The following COL25A1 variants were observed in gnomAD, a reference collection of about 807,000 sequenced individuals.
The protein encoded by COL25A1 is collagen type XXV alpha 1 chain, also known as collagen alpha-1(XXV) chain.
COL25A1 carries 103 observed loss-of-function variants against 128.4 expected under a neutral mutation model. The ratio of observed to expected loss-of-function variants is 0.80; its 90% confidence interval spans 0.68 to 0.94. The LOEUF is 0.94. Among genes scored for constraint, COL25A1 ranks in the 40% least tolerant of loss-of-function variants. The pLI is 0.00. For synonymous variants in COL25A1, 279 were observed against 277.2 expected, an observed-to-expected ratio of 1.01 and a Z score of -0.06; for missense variants, 745 against 840.0, an observed-to-expected ratio of 0.89 and a Z score of 1.40.
intron 6 of COL25A1, among the ~76,000 whole-genome samples, chr4:108,994,459 G>A (rs757181625): frequency 6.6e-6 from 1 of 152,202 alleles, no homozygotes; most frequent in African/African-American, 2.4e-5. Flanking sequence ...AAAGTGGCTG[G>A]GAAGCACCAA....
At chr4:109,267,206 A>G (rs1203065241) in intron 3 of COL25A1, among the ~76,000 whole-genome samples, 3 of 152,174 alleles carry the variant, frequency 2.0e-5, no homozygotes, top group African/African-American at 4.8e-5. Flanking sequence ...TGATATAAAT[A>G]TGGTATCAGA....
intron 5 of COL25A1, among the ~76,000 whole-genome samples, chr4:109,021,099 C>T (rs897568227): frequency 2.0e-5 from 3 of 152,226 alleles, no homozygotes; most frequent in Non-Finnish European, 4.4e-5. Context: ...ACAACCAATA[C>T]TCTACTGTGT....
chr4:109,098,726 G>T (rs1165889103), intron 3 of COL25A1, among the ~76,000 whole-genome samples: 1 of 152,134 alleles, frequency 6.6e-6, no homozygotes, highest in Non-Finnish European at 1.5e-5. Context: ...CTGATAGCAA[G>T]AATATAATTC....
intron 13 of COL25A1, among the ~76,000 whole-genome samples, chr4:108,917,167 T>C (rs764202754): frequency 3.3e-5 from 5 of 152,072 alleles, no homozygotes; most frequent in Admixed American, 2.0e-4. Flanking sequence ...AGCCTCTGAG[T>C]GGAAGACTCA....
chr4:109,270,922 A>G (rs1782150842), intron 3 of COL25A1, among the ~76,000 whole-genome samples: 1 of 152,154 alleles, frequency 6.6e-6, no homozygotes, highest in Admixed American at 6.6e-5. Context: ...ATTGTGCTAG[A>G]ATGCCTACTA....
At chr4:108,988,090 T>C (rs1215668338) in intron 6 of COL25A1, among the ~76,000 whole-genome samples, 1 of 152,186 alleles carries the variant, frequency 6.6e-6, no homozygotes, top group East Asian at 1.9e-4. Context: ...CACGTGACCT[T>C]TGGCAAATGA....
At chr4:109,220,190 T>G (rs1246682039) in intron 3 of COL25A1, among the ~76,000 whole-genome samples, 1 of 152,184 alleles carries the variant, frequency 6.6e-6, no homozygotes, top group East Asian at 1.9e-4. Context: ...CTGGAAGACA[T>G]TTAGTATGAT....
intron 3 of COL25A1, among the ~76,000 whole-genome samples, chr4:109,255,864 A>G (rs1781044515): frequency 6.6e-6 from 1 of 152,206 alleles, no homozygotes; most frequent in Admixed American, 6.5e-5. Flanking sequence ...TTTCAATTCC[A>G]TTCTGCTCTT....
intron 8 of COL25A1, among the ~76,000 whole-genome samples, chr4:108,949,751 G>T (rs1749186052): frequency 2.0e-5 from 3 of 152,042 alleles, no homozygotes; most frequent in Admixed American, 2.0e-4. Context: ...TGACCAGGAT[G>T]GTCTCGTTCT....
chr4:108,960,723 T>A (rs564641480), intron 8 of COL25A1, among the ~76,000 whole-genome samples: 1 of 152,246 alleles, frequency 6.6e-6, no homozygotes, highest in Admixed American at 6.5e-5. Flanking sequence ...CTAAGAAAAG[T>A]CATCTGTCTC....
chr4:108,886,473 TGTGTGTG>T (rs1560806194), intron 18 of COL25A1, among the ~76,000 whole-genome samples: 8 of 126,556 alleles, frequency 6.3e-5, no homozygotes, highest in African/African-American at 2.2e-4. Flanking sequence ...TGTGTGTGTG[TGTGTGTG>T]TGTGTGTGTG....
At chr4:108,825,810 G>A (rs146623396) in intron 33 of COL25A1, among the ~76,000 whole-genome samples, 1 of 152,292 alleles carries the variant, frequency 6.6e-6, no homozygotes, top group East Asian at 1.9e-4. Flanking sequence ...GGATGTGAAG[G>A]CTGCAACTTA....
intron 3 of COL25A1, among the ~76,000 whole-genome samples, chr4:109,085,962 C>T (rs1265646461): frequency 1.3e-5 from 2 of 152,114 alleles, no homozygotes; most frequent in Non-Finnish European, 1.5e-5. Context: ...TACAACCAGC[C>T]AAAGGAGGAA....
chr4:108,826,504 C>T (rs1386943327), intron 33 of COL25A1, among the ~76,000 whole-genome samples: 1 of 152,028 alleles, frequency 6.6e-6, no homozygotes, highest in African/African-American at 2.4e-5. Context: ...TGCCACTGCA[C>T]TCCAGCCTAG....
intron 31 of COL25A1, among the ~76,000 whole-genome samples, chr4:108,834,848 TG>T (rs1178361414): frequency 6.6e-6 from 1 of 152,236 alleles, no homozygotes; most frequent in African/African-American, 2.4e-5. Context: ...GAAAGAGCTC[TG>T]GTTATACTTG....
Position 108,984,341 on chromosome 4 carries a change from G to A in COL25A1, c.439-9782C>T, listed in dbSNP as rs185046899. ...CAGCTGGCTTCACCCAGTGGATCCC[G>A]CACAGGGGCTGCAGGTGGAGCTGCC... On this transcript the variant is annotated intron_variant, in intron 6 of 37. Coordinates refer to ENST00000399132, the MANE Select transcript of COL25A1 (RefSeq NM_198721.4). 4.9e-3 allele frequency among the ~76,000 whole-genome samples: 752 copies of A among 152,344 alleles called. 17 individuals are homozygous for A. In the East Asian group the frequency reaches 0.067, roughly 14 times the overall value.
intron 13 of COL25A1, among the ~76,000 whole-genome samples, chr4:108,901,576 C>T (rs1742861708): frequency 6.6e-6 from 1 of 152,134 alleles, no homozygotes; most frequent in Admixed American, 6.6e-5. Flanking sequence ...TCTGTTCTCA[C>T]ATTAGACTTA....
In COL25A1 at chr4:108,859,694, T is replaced by C; in HGVS notation, c.1282A>G (p.Ile428Val). Residue 428 changes from isoleucine (I) to valine (V), a missense_variant, in exon 24 of 38, where the codon ATC (isoleucine) becomes GTC (valine). This residue lies in a region of COL25A1 where 387 missense variants were observed against 441.9 expected (regional missense o/e 0.88). Transcript: ENST00000399132. ...GQKGDQGATE[I>V]IDYNGNLHEA... Reference sequence around the variant, plus strand: ...TGGAGGTTGCCGTTGTAGTCTATGATCTCAGTGGCTCCTTGATCCCCTTTT... The same window carrying C: ...TGGAGGTTGCCGTTGTAGTCTATGACCTCAGTGGCTCCTTGATCCCCTTTT... 3 of 1,613,866 alleles carry C rather than the reference T, an allele frequency of 1.9e-6. No individual in the cohort carries two copies. The highest frequency in any genetic ancestry group is 2.5e-6 in the Non-Finnish European group (3 of 1,179,918).
chr4:109,154,919 T>C (rs929325632), intron 3 of COL25A1, among the ~76,000 whole-genome samples: 1 of 152,194 alleles, frequency 6.6e-6, no homozygotes, highest in Non-Finnish European at 1.5e-5. Context: ...TTGGCAAATA[T>C]ATCTTTAGCT....
Sources: allele counts gnomAD v4.1 joint callset (sites outside exome capture counted in the v4.1 genomes callset), GRCh38; gene constraint gnomAD v4.1.1; regional missense constraint gnomAD v4.1.1; transcripts MANE v1.5; gene names NCBI Gene and HGNC (gene_info 2026-07-23, HGNC 2026-07-21).